The following ADAMTS2 variants were observed in gnomAD, a reference collection of about 807,000 sequenced individuals.
ADAMTS2 encodes ADAM metallopeptidase with thrombospondin type 1 motif 2, also known as A disintegrin and metalloproteinase with thrombospondin motifs 2.
In ADAMTS2, 50 loss-of-function variants were observed where a neutral mutation model predicts 123.0. That is an observed-to-expected ratio of 0.41 (90% CI 0.32 to 0.51). The LOEUF is 0.51. Among genes scored for constraint, ADAMTS2 ranks in the 20% least tolerant of loss-of-function variants. The pLI is 0.35. For synonymous variants in ADAMTS2, 678 were observed against 695.4 expected (o/e 0.98, Z 0.39); for missense variants, 1,494 against 1,705.2 (o/e 0.88, Z 2.18).
rs1762910474 is a variant in ADAMTS2, at chr5:179,128,901, GC to G, written c.2458-784del. On this transcript the variant is annotated intron_variant, in intron 16 of 21. Transcript: ENST00000251582. This position sits in a 1 kb window ranked among gnomAD's most constrained non-coding sequence, Gnocchi z 4.9. ...CAGGGTGATTTTCAACAGCGAAATC[GC>G]CCCCAAAATAGCACAAAATGTGATG... Among the ~76,000 whole-genome samples the G allele has an allele frequency of 6.6e-6, 1 of 152,002 alleles. No homozygotes were observed.
At chr5:179,168,526 C>A (rs888411590) in intron 5 of ADAMTS2, among the ~76,000 whole-genome samples, 12 of 152,244 alleles carry the variant, frequency 7.9e-5, no homozygotes, top group Non-Finnish European at 4.4e-5. Flanking sequence ...CATAAAGTCA[C>A]ATAAAGGGCT....
In ADAMTS2 at chr5:179,128,036, T is replaced by C. The variant is rs1762890175; in HGVS notation, c.2540A>G (p.Asn847Ser). 2.5e-6 allele frequency: 4 copies of C among 1,614,088 alleles called. No individual in the cohort carries two copies. The highest frequency in any genetic ancestry group is 3.4e-6 in the Non-Finnish European group (4 of 1,180,042). ...HEDSLNVDDN[N>S]VLEEDSVVYE... is the part of the protein sequence containing the mutation. ...GACCACAGAGTCCTCTTCCAGGACG[T>C]TGTTGTCGTCGACATTCAGTGAGTC... The change falls in exon 17 of 22, where the codon AAC becomes AGC. Residue 847 changes from asparagine to serine, a missense_variant. This residue lies in a region of ADAMTS2 where 953 missense variants were observed against 1,124.7 expected (regional missense o/e 0.85). Coordinates refer to ENST00000251582, the MANE Select transcript of ADAMTS2 (RefSeq NM_014244.5). The surrounding 1 kb of genome is among the most constrained non-coding windows in gnomAD (Gnocchi z 4.9).
At chr5:179,220,491 C>T (rs192134233) in intron 3 of ADAMTS2, among the ~76,000 whole-genome samples, 182 of 152,298 alleles carry the variant, frequency 1.2e-3, no homozygotes, top group Middle Eastern at 6.8e-3. Context: ...GGGCCTGCTG[C>T]CTCCTCTGCC....
chr5:179,173,181 T>A (rs559695848), intron 5 of ADAMTS2, among the ~76,000 whole-genome samples: 1 of 151,374 alleles, frequency 6.6e-6, no homozygotes, highest in Admixed American at 6.6e-5. Flanking sequence ...CACTCCACTC[T>A]AGTCTGGGCA....
chr5:179,154,735 C>A (rs1235741208), intron 7 of ADAMTS2, 79 bp downstream of exon 7: 41 of 1,195,758 alleles, frequency 3.4e-5, no homozygotes. Flanking sequence ...CCTCTTAAGG[C>A]ACAGAGGAGA....
Position 179,153,571 on chromosome 5 carries a change from G to T in ADAMTS2, c.1435C>A (p.Pro479Thr). The T allele has an allele frequency of 6.2e-7, 1 of 1,609,272 alleles. No individual in the cohort carries two copies. Residue 479 changes from proline to threonine, a missense_variant, in exon 9 of 22, where the codon CCC (proline) becomes ACC (threonine). By Grantham distance (38) the Pro-to-Thr change is conservative. Coordinates refer to ENST00000251582, the MANE Select transcript of ADAMTS2 (RefSeq NM_014244.5). ...DPFAHDWPAL[P>T]QLPGLHYSMN... ...GAGTAGTGCAGTCCCGGGAGCTGGGGCAGCGCCGGCCAGTCGTGGGCGAAG... is the reference window on the plus strand; with the variant it reads ...GAGTAGTGCAGTCCCGGGAGCTGGGTCAGCGCCGGCCAGTCGTGGGCGAAG...
intron 10 of ADAMTS2, among the ~76,000 whole-genome samples, chr5:179,142,787 GA>G (rs1167508846): frequency 2.0e-5 from 3 of 152,180 alleles, no homozygotes; most frequent in Admixed American, 2.0e-4. Context: ...AAGCTTCATT[GA>G]AACAGCAGGA....
chr5:179,222,107 C>T lies in ADAMTS2; in HGVS notation c.689-14392G>A, dbSNP rs1239754324. On this transcript the variant is annotated intron_variant, in intron 3 of 21. Coordinates refer to ENST00000251582, the MANE Select transcript of ADAMTS2 (RefSeq NM_014244.5). ...ACGGGGGTTCCTCCCATTTGTCTTC[C>T]TGTGTGAACTCCGTGGGTCCAGAAG... 3.9e-5 allele frequency among the ~76,000 whole-genome samples: 6 copies of T among 152,108 alleles called. No homozygotes were observed. The East Asian group carries it at 1.2e-3, about 29-fold the overall frequency.
Position 179,285,930 on chromosome 5 carries a change from C to A in ADAMTS2, c.535-12866G>T, listed in dbSNP as rs1158426023. Among the ~76,000 whole-genome samples, 3 of 152,148 alleles carry A rather than the reference C, an allele frequency of 2.0e-5. No homozygotes were observed. Among genetic ancestry groups the A allele is most frequent in the African/African-American group, 4.8e-5 (2 of 41,436 alleles). On this transcript the variant is annotated intron_variant, in intron 2 of 21. Coordinates refer to ENST00000251582, the MANE Select transcript of ADAMTS2 (RefSeq NM_014244.5). This position sits in a 1 kb window ranked among gnomAD's most constrained non-coding sequence, Gnocchi z 4.9. ...ACTTCCCCATTCAAGATCCTGCCAACAGGCCGGGCACGGTGGCTCACGCCT... is the reference window on the plus strand; with the variant it reads ...ACTTCCCCATTCAAGATCCTGCCAAAAGGCCGGGCACGGTGGCTCACGCCT...
At chr5:179,280,864 TC>T (rs374661780) in intron 2 of ADAMTS2, among the ~76,000 whole-genome samples, 13 of 152,172 alleles carry the variant, frequency 8.5e-5, no homozygotes, top group Admixed American at 1.3e-4. Flanking sequence ...ATGCTTTTTT[TC>T]TTCTTTTTTT....
chr5:179,301,562 AT>A (rs1483102962), intron 2 of ADAMTS2, among the ~76,000 whole-genome samples: 1 of 152,228 alleles, frequency 6.6e-6, no homozygotes, highest in East Asian at 1.9e-4. Flanking sequence ...GGACAGGGGC[AT>A]CTCTTGAGGG....
At chr5:179,311,162 G>T (rs1756823735) in intron 2 of ADAMTS2, among the ~76,000 whole-genome samples, 1 of 152,058 alleles carries the variant, frequency 6.6e-6, no homozygotes, top group Non-Finnish European at 1.5e-5. Flanking sequence ...TCACTCTGAG[G>T]CCGAGCCTCC....
At chr5:179,192,742 CTG>C (rs1561797677) in intron 4 of ADAMTS2, among the ~76,000 whole-genome samples, 1 of 152,236 alleles carries the variant, frequency 6.6e-6, no homozygotes, top group African/African-American at 2.4e-5. Context: ...TTTCCTCACT[CTG>C]TGAACATTCC....
intron 2 of ADAMTS2, among the ~76,000 whole-genome samples, chr5:179,276,843 C>A (rs1356522629): frequency 1.3e-5 from 2 of 152,172 alleles, no homozygotes; most frequent in Non-Finnish European, 2.9e-5. Context: ...CGGGAGCCAT[C>A]GATGCCACAG....
chr5:179,129,285 G>T lies in ADAMTS2; in HGVS notation c.2457+647C>A, dbSNP rs890736646. On this transcript the variant is annotated intron_variant, in intron 16 of 21. Coordinates refer to ENST00000251582, the MANE Select transcript of ADAMTS2 (RefSeq NM_014244.5). This position sits in a 1 kb window ranked among gnomAD's most constrained non-coding sequence, Gnocchi z 4.1. ...TGCACCTGCTTACAGGTGCACCCAC[G>T]TGTGGAGCGCTGGGGGCTGGTGGAT... Among the ~76,000 whole-genome samples, 2 of 152,232 alleles carry T rather than the reference G, an allele frequency of 1.3e-5. No individual in the cohort carries two copies. The highest frequency in any genetic ancestry group is 4.8e-5 in the African/African-American group (2 of 41,458).
intron 17 of ADAMTS2, among the ~76,000 whole-genome samples, chr5:179,127,334 C>A: frequency 6.6e-6 from 1 of 152,152 alleles, no homozygotes. Context: ...AGTGACCCCA[C>A]CTCTTGGTGA....
chr5:179,211,959 T>C (rs1764861557), intron 3 of ADAMTS2, among the ~76,000 whole-genome samples: 1 of 152,194 alleles, frequency 6.6e-6, no homozygotes, highest in South Asian at 2.1e-4. Context: ...GCAGGAAAAT[T>C]ACATGACTCG....
At chr5:179,333,728 T>C (rs1757538690) in intron 2 of ADAMTS2, among the ~76,000 whole-genome samples, 1 of 150,892 alleles carries the variant, frequency 6.6e-6, no homozygotes, top group Non-Finnish European at 1.5e-5. Context: ...GCCTCCCAAG[T>C]AGCTGGGACT....
intron 2 of ADAMTS2, among the ~76,000 whole-genome samples, chr5:179,335,947 T>C (rs1207306822): frequency 6.6e-6 from 1 of 152,022 alleles, no homozygotes; most frequent in Non-Finnish European, 1.5e-5. Context: ...CGTTTAGGGG[T>C]TTTCAAAGGA....
Sources: allele counts gnomAD v4.1 joint callset (sites outside exome capture counted in the v4.1 genomes callset), GRCh38; gene constraint gnomAD v4.1.1; regional missense constraint gnomAD v4.1.1; non-coding constraint Gnocchi (gnomAD v3.1); transcripts MANE v1.5; gene names NCBI Gene and HGNC (gene_info 2026-07-23, HGNC 2026-07-21).